ANGPT1: variants seen among roughly 807,000 people sequenced by gnomAD.
The protein encoded by ANGPT1 is angiopoietin 1.
A neutral mutation model predicts 62.2 loss-of-function variants in ANGPT1; 17 were observed. The ratio of observed to expected loss-of-function variants is 0.27; its 90% CI spans 0.19 to 0.41. ANGPT1 has a LOEUF of 0.41. Ranked by LOEUF, ANGPT1 falls within the 10% of genes least tolerant of loss-of-function variation. The probability of loss-of-function intolerance (pLI) is 1.00; values close to 1 mark genes in which losing one functional copy is unlikely to be tolerated. For synonymous variants in ANGPT1, 199 were observed against 198.9 expected (o/e 1.00, Z 0.00); for missense variants, 478 against 594.9 (o/e 0.80, Z 2.04).
Position 107,370,176 on chromosome 8 carries a change from G to GAAAGAAAGAAAGA in ANGPT1, c.298-23080_298-23079insTCTTTCTTTCTTT, listed in dbSNP as rs1291848259. On this transcript the variant is annotated intron_variant, in intron 1 of 8. Transcript: ENST00000517746. ...AAAGAGAAAGAAAGAAAGAGAGAAA[G>GAAAGAAAGAAAGA]AAGAAAGAAAGAAAGAAAAAAAGAA... Among the ~76,000 whole-genome samples, 309 of 86,064 alleles carry GAAAGAAAGAAAGA rather than the reference G, an allele frequency of 3.6e-3. 7 individuals carry two copies. Among genetic ancestry groups the GAAAGAAAGAAAGA allele is most frequent in the Non-Finnish European group, 4.3e-3 (182 of 42,758 alleles). The allele number at this position is 86,064 out of a possible 152,430, so 56.5% of individuals were successfully genotyped here. A position where few individuals can be genotyped will look rare whatever the true frequency, so the allele number is the denominator to read the frequency against.
chr8:107,267,504 C>A (rs1813641524), intron 7 of ANGPT1, among the ~76,000 whole-genome samples: 2 of 152,060 alleles, frequency 1.3e-5, no homozygotes, highest in African/African-American at 4.8e-5. Flanking sequence ...CTTTCCAGAT[C>A]TATTTAAGAC....
At chr8:107,314,725 TC>T (rs1293521017) in intron 4 of ANGPT1, among the ~76,000 whole-genome samples, 1 of 152,158 alleles carries the variant, frequency 6.6e-6, no homozygotes, top group Non-Finnish European at 1.5e-5. Context: ...GCAGATGACT[TC>T]CTGTATTTTT....
chr8:107,448,452 T>C (rs1362914009), intron 1 of ANGPT1, among the ~76,000 whole-genome samples: 1 of 152,178 alleles, frequency 6.6e-6, no homozygotes, highest in African/African-American at 2.4e-5. Flanking sequence ...GCTGACTATG[T>C]GGTTATATAT....
intron 1 of ANGPT1, among the ~76,000 whole-genome samples, chr8:107,455,569 A>G (rs1289815681): frequency 6.6e-6 from 1 of 152,092 alleles, no homozygotes; most frequent in Admixed American, 6.6e-5. Flanking sequence ...CAGCCTTTGC[A>G]TCATGTATCT....
At chr8:107,417,671 T>C (rs1810789780) in intron 1 of ANGPT1, among the ~76,000 whole-genome samples, 1 of 152,190 alleles carries the variant, frequency 6.6e-6, no homozygotes, top group Admixed American at 6.5e-5. Context: ...TGGAGAGAGC[T>C]ACAAATTCAT....
At chr8:107,326,769 T>C (rs73701090) in intron 3 of ANGPT1, among the ~76,000 whole-genome samples, 2,983 of 152,240 alleles carry the variant, frequency 0.02, 88 homozygotes, top group African/African-American at 0.063. Flanking sequence ...TAACATAGAA[T>C]GAGCAGATGT....
At chr8:107,394,792 A>T (rs1431306891) in intron 1 of ANGPT1, among the ~76,000 whole-genome samples, 1 of 152,084 alleles carries the variant, frequency 6.6e-6, no homozygotes, top group African/African-American at 2.4e-5. Context: ...TTTATATTGG[A>T]TTACATTAAT....
At position 107,251,106 on chromosome 8, in the gene ANGPT1, T is replaced by C. The variant is rs949918016; in HGVS notation, c.*749A>G. The C allele has an allele frequency of 9.2e-5, 14 of 152,154 alleles. No individual in the cohort carries two copies. Among genetic ancestry groups the C allele is most frequent in the African/African-American group, 3.4e-4 (14 of 41,462 alleles). The allele number at this position is 152,154 out of a possible 1,614,324, so 9.4% of individuals were successfully genotyped here. A position where few individuals can be genotyped will look rare whatever the true frequency, so the allele number is the denominator to read the frequency against. ...AACCATAGTATGGGGGTGGTAAGTT[T>C]TCACCACATACATCCTTACTTGATT... On this transcript the variant is annotated 3_prime_UTR_variant, in exon 9 of 9. Coordinates refer to ENST00000517746, the MANE Select transcript of ANGPT1 (RefSeq NM_001146.5).
chr8:107,286,988 T>C (rs889113399), intron 6 of ANGPT1, among the ~76,000 whole-genome samples: 4 of 152,170 alleles, frequency 2.6e-5, no homozygotes, highest in African/African-American at 7.2e-5. Context: ...ACTTTATCAA[T>C]TACAACAGCC....
At chr8:107,310,139 A>G (rs2130006304) in intron 4 of ANGPT1, among the ~76,000 whole-genome samples, 1 of 152,294 alleles carries the variant, frequency 6.6e-6, no homozygotes, top group East Asian at 1.9e-4. Flanking sequence ...GAACTATAAT[A>G]ATCATGATCA....
intron 4 of ANGPT1, among the ~76,000 whole-genome samples, chr8:107,304,433 T>C (rs1041598904): frequency 6.6e-6 from 1 of 151,756 alleles, no homozygotes; most frequent in Non-Finnish European, 1.5e-5. Context: ...CCTTAAAGTT[T>C]CCTATCAATA....
chr8:107,394,078 A>C lies in ANGPT1; in HGVS notation c.298-46981T>G, dbSNP rs1189323564. Among the ~76,000 whole-genome samples the C allele has an allele frequency of 2.6e-5, 4 of 152,172 alleles. No homozygotes were observed. In the East Asian group the frequency reaches 7.7e-4, roughly 29 times the overall value. ...GATACAGGTTTATAGATTTTATTAC[A>C]GTGCCCGCAAGCATTCTTGGGACTG... On this transcript the variant is annotated intron_variant, in intron 1 of 8. Coordinates refer to ENST00000517746, the MANE Select transcript of ANGPT1 (RefSeq NM_001146.5).
intron 4 of ANGPT1, among the ~76,000 whole-genome samples, chr8:107,314,772 C>T (rs757741366): frequency 6.6e-6 from 1 of 152,092 alleles, no homozygotes; most frequent in African/African-American, 2.4e-5. Flanking sequence ...TTGTGCACTA[C>T]AAGTAGTAAA....
At chr8:107,408,731 T>G (rs1159107967) in intron 1 of ANGPT1, among the ~76,000 whole-genome samples, 2 of 152,228 alleles carry the variant, frequency 1.3e-5, no homozygotes, top group Non-Finnish European at 2.9e-5. Context: ...TGAACTTTCA[T>G]GTTTTATAGA....
intron 1 of ANGPT1, among the ~76,000 whole-genome samples, chr8:107,396,812 T>G (rs190427874): frequency 7.0e-4 from 107 of 152,070 alleles, no homozygotes; most frequent in African/African-American, 2.4e-3. Flanking sequence ...TGTGAGCCAC[T>G]GCACCCGGCC....
intron 1 of ANGPT1, among the ~76,000 whole-genome samples, chr8:107,449,398 A>G (rs1450873011): frequency 1.3e-5 from 1 of 77,476 alleles, no homozygotes; most frequent in Non-Finnish European, 2.6e-5. Context: ...ACACACACAC[A>G]TGCACACACA....
intron 4 of ANGPT1, among the ~76,000 whole-genome samples, chr8:107,321,639 T>TA (rs1194235018): frequency 1.3e-5 from 2 of 152,142 alleles, no homozygotes; most frequent in African/African-American, 4.8e-5. Context: ...TATCTAAGGT[T>TA]AAAAGACAAA....
At chr8:107,301,901 A>G (rs886788912) in intron 5 of ANGPT1, among the ~76,000 whole-genome samples, 2 of 151,986 alleles carry the variant, frequency 1.3e-5, no homozygotes, top group Non-Finnish European at 2.9e-5. Flanking sequence ...GACCTGGACT[A>G]TAGTCCAGAC....
intron 1 of ANGPT1, among the ~76,000 whole-genome samples, chr8:107,386,150 A>T (rs892865761): frequency 2.0e-5 from 3 of 152,108 alleles, no homozygotes; most frequent in Admixed American, 2.0e-4. Context: ...GGAACAGAAA[A>T]GCAAACACTA....
Sources: allele counts gnomAD v4.1 joint callset (sites outside exome capture counted in the v4.1 genomes callset), GRCh38; gene constraint gnomAD v4.1.1; transcripts MANE v1.5; gene names NCBI Gene and HGNC (gene_info 2026-07-23, HGNC 2026-07-21).